Variants in UQCRB observed in about 807,000 individuals in gnomAD.
UQCRB encodes cytochrome b-c1 complex subunit 7.
Under a neutral mutation model 19.8 loss-of-function variants are expected in UQCRB, and 12 were observed. The observed-to-expected ratio is 0.61, with a 90% CI of 0.39 to 0.98. The LOEUF (loss-of-function observed/expected upper bound fraction) is 0.98. UQCRB is among the 50% of genes least tolerant of loss of function. The pLI is 0.00. For missense variants in UQCRB, 142 were observed against 131.8 expected (o/e 1.08, Z -0.38); for synonymous variants, 39 against 42.9 (o/e 0.91, Z 0.35).
intron 1 of UQCRB, chr8:96,233,506 T>C (rs1809725067): frequency 7.3e-6 from 3 of 411,498 alleles, no homozygotes; most frequent in Non-Finnish European, 1.3e-5. Flanking sequence ...AAGAAAAGGG[T>C]AAACTCAAAC....
Position 96,227,364 on chromosome 8 carries a change from C to T in UQCRB, c.*3691G>A, listed in dbSNP as rs1356463641. 4 of 454,090 alleles carry T rather than the reference C, an allele frequency of 8.8e-6. No homozygotes were observed. The highest frequency in any genetic ancestry group is 6.2e-5 in the South Asian group (4 of 64,476). The allele number at this position is 454,090 out of a possible 1,614,324, so 28.1% of individuals were successfully genotyped here. A position where few individuals can be genotyped will look rare whatever the true frequency, so the allele number is the denominator to read the frequency against. ...TGGGGCGCAGAATGGAGAAATCTTC[C>T]ATAGTGCTCGTGTGATGTACACTAA... On this transcript the variant is annotated 3_prime_UTR_variant, in exon 4 of 4. Coordinates refer to ENST00000287022, the MANE Select transcript of UQCRB (RefSeq NM_006294.5).
rs751857615 is a variant in UQCRB, at chr8:96,227,387, TAA to T, written c.*3666_*3667del. ...TCCATAGTGCTCGTGTGATGTACAC[TAA>T]GTTGTAAAGTTATAGGGCATCGCCA... On this transcript the variant is annotated 3_prime_UTR_variant, in exon 4 of 4. Transcript: ENST00000287022. The T allele has an allele frequency of 1.3e-5, 6 of 454,124 alleles. No homozygotes were observed. Among genetic ancestry groups the T allele is most frequent in the South Asian group, 7.8e-5 (5 of 64,478 alleles). The allele number at this position is 454,124 out of a possible 1,614,324, so 28.1% of individuals were successfully genotyped here.
chr8:96,224,078 C>G lies in UQCRB; in HGVS notation c.*6977G>C, dbSNP rs901495145. ...GTTCCAAGTAGCAGCACTTGGTGCT[C>G]TCATGGGGCAACCTAGCCATTCTCA... On this transcript the variant is annotated 3_prime_UTR_variant, in exon 4 of 4. Transcript: ENST00000287022. Among the ~76,000 whole-genome samples the G allele has an allele frequency of 6.6e-6, 1 of 152,200 alleles. No homozygotes were observed. Among genetic ancestry groups the G allele is most frequent in the Non-Finnish European group, 1.5e-5 (1 of 68,046 alleles).
rs374444239 is a variant in UQCRB, at chr8:96,230,672, G to C, written c.*383C>G. ...AAATCTGTTTGCATACCAGTGAAGAGGCTATTTCTCAATCTTGGCAAACTA... is the reference window on the plus strand; with the variant it reads ...AAATCTGTTTGCATACCAGTGAAGACGCTATTTCTCAATCTTGGCAAACTA... On this transcript the variant is annotated 3_prime_UTR_variant, in exon 4 of 4. Coordinates refer to ENST00000287022, the MANE Select transcript of UQCRB (RefSeq NM_006294.5). The C allele has an allele frequency of 2.1e-6, 1 of 466,258 alleles. No homozygotes were observed. The highest frequency in any genetic ancestry group is 4.2e-6 in the Non-Finnish European group (1 of 235,404). The allele number at this position is 466,258 out of a possible 1,614,324, so 28.9% of individuals were successfully genotyped here.
rs1809496367 is a variant in UQCRB at position 96,224,563 on chromosome 8, A to G, written c.*6492T>C. Among the ~76,000 whole-genome samples, 1 of 152,202 alleles carries G rather than the reference A, an allele frequency of 6.6e-6. No homozygotes were observed. The highest frequency in any genetic ancestry group is 2.4e-5 in the African/African-American group (1 of 41,442). ...GTCTCACAGAATGAGAAGCCACAGA[A>G]GGGGCTGATTACCAGGCTGCATCAC... is the stretch of plus-strand genomic sequence containing the variant. On this transcript the variant is annotated 3_prime_UTR_variant, in exon 4 of 4. Transcript: ENST00000287022.
chr8:96,235,249 G>C (rs776105351), intron 1 of UQCRB: 2 of 596,510 alleles, frequency 3.4e-6, no homozygotes, highest in Non-Finnish European at 6.0e-6. Flanking sequence ...CCAAGCACGG[G>C]CAGCTGGAAC....
At position 96,230,733 on chromosome 8, in the gene UQCRB, C is replaced by T. The variant is rs1305536522; in HGVS notation, c.*322G>A. ...ACCCCCTTCTTTTATTCAGTAGCTTCCATAAGGATGTAACTTACGGAAGTT... is the reference window on the plus strand; with the variant it reads ...ACCCCCTTCTTTTATTCAGTAGCTTTCATAAGGATGTAACTTACGGAAGTT... On this transcript the variant is annotated 3_prime_UTR_variant, in exon 4 of 4. Coordinates refer to ENST00000287022, the MANE Select transcript of UQCRB (RefSeq NM_006294.5). The T allele has an allele frequency of 3.9e-6, 2 of 508,494 alleles. No homozygotes were observed. The highest frequency in any genetic ancestry group is 7.6e-6 in the Non-Finnish European group (2 of 262,574). The allele number at this position is 508,494 out of a possible 1,614,324, so 31.5% of individuals were successfully genotyped here.
In UQCRB at chr8:96,230,332, C is replaced by T; in HGVS notation, c.*723G>A. On this transcript the variant is annotated 3_prime_UTR_variant, in exon 4 of 4. Transcript: ENST00000287022. ...CTTCAGGTGACCCGCCCGCCTCGGC[C>T]TCCCAAAGTGCTGGGATTACAGGCA... 2.4e-6 allele frequency: 1 copy of T among 419,430 alleles called. No homozygotes were observed. Among genetic ancestry groups the T allele is most frequent in the Non-Finnish European group, 4.7e-6 (1 of 211,752 alleles). The allele number at this position is 419,430 out of a possible 1,614,324, so 26.0% of individuals were successfully genotyped here.
chr8:96,227,546 T>C lies in UQCRB; in HGVS notation c.*3509A>G, dbSNP rs554665878. 1.2e-4 allele frequency: 53 copies of C among 454,156 alleles called. No homozygotes were observed. In the East Asian group the frequency reaches 2.0e-3, roughly 17 times the overall value. The allele number at this position is 454,156 out of a possible 1,614,324, so 28.1% of individuals were successfully genotyped here. On this transcript the variant is annotated 3_prime_UTR_variant, in exon 4 of 4. Coordinates refer to ENST00000287022, the MANE Select transcript of UQCRB (RefSeq NM_006294.5). Reference sequence around the variant, plus strand: ...CTCCTAAAATCCATGCTTCCTCCCATACACCATAAACCCATCTGCTCTTCA... The same window carrying C: ...CTCCTAAAATCCATGCTTCCTCCCACACACCATAAACCCATCTGCTCTTCA...
chr8:96,226,620 T>C lies in UQCRB; in HGVS notation c.*4435A>G, dbSNP rs1454112211. On this transcript the variant is annotated 3_prime_UTR_variant, in exon 4 of 4. Coordinates refer to ENST00000287022, the MANE Select transcript of UQCRB (RefSeq NM_006294.5). ...CTTGTGAATACAATTGTCACAGATA[T>C]GTATACAATTTTCTTAAAATATTTA... 7.2e-6 allele frequency: 2 copies of C among 278,926 alleles called. No individual in the cohort carries two copies. The highest frequency in any genetic ancestry group is 1.0e-4 in the East Asian group (1 of 9,898). 17.3% of individuals were successfully genotyped at this position (278,926 alleles called of 1,614,324 possible). A position where few individuals can be genotyped will look rare whatever the true frequency, so the allele number is the denominator to read the frequency against.
chr8:96,227,344 C>T lies in UQCRB; in HGVS notation c.*3711G>A, dbSNP rs2129778088. 1 of 454,070 alleles carries T rather than the reference C, an allele frequency of 2.2e-6. No individual in the cohort carries two copies. Among genetic ancestry groups the T allele is most frequent in the Non-Finnish European group, 4.4e-6 (1 of 226,788 alleles). 28.1% of individuals were successfully genotyped at this position (454,070 alleles called of 1,614,324 possible). A position where few individuals can be genotyped will look rare whatever the true frequency, so the allele number is the denominator to read the frequency against. On this transcript the variant is annotated 3_prime_UTR_variant, in exon 4 of 4. Coordinates refer to ENST00000287022, the MANE Select transcript of UQCRB (RefSeq NM_006294.5). ...GAAGGAGGGGAGGGAGTTGGTGGGG[C>T]GCAGAATGGAGAAATCTTCCATAGT...
intron 1 of UQCRB, chr8:96,234,457 T>C (rs1013915268): frequency 5.1e-5 from 66 of 1,282,828 alleles, no homozygotes; most frequent in Non-Finnish European, 2.0e-6. Flanking sequence ...AGTTAGCTAA[T>C]GGGAGTTGAG....
intron 1 of UQCRB, chr8:96,234,404 G>T: frequency 1.2e-6 from 1 of 818,482 alleles, no homozygotes; most frequent in Non-Finnish European, 1.8e-6. Context: ...TGTTACTACA[G>T]AAGGGGAAGC....
In UQCRB at chr8:96,227,016, T is replaced by C; in HGVS notation, c.*4039A>G. 4.4e-6 allele frequency: 2 copies of C among 454,028 alleles called. No homozygotes were observed. The highest frequency in any genetic ancestry group is 4.4e-6 in the Non-Finnish European group (1 of 226,764). The allele number at this position is 454,028 out of a possible 1,614,324, so 28.1% of individuals were successfully genotyped here. A position where few individuals can be genotyped will look rare whatever the true frequency, so the allele number is the denominator to read the frequency against. ...TTCTAACATGTTATGGCTTTTAATA[T>C]GAACGCCAGTATAACCAGAATGTAA... On this transcript the variant is annotated 3_prime_UTR_variant, in exon 4 of 4. Coordinates refer to ENST00000287022, the MANE Select transcript of UQCRB (RefSeq NM_006294.5).
chr8:96,230,347 G>A lies in UQCRB; in HGVS notation c.*708C>T, dbSNP rs1264856157. The A allele has an allele frequency of 7.0e-6, 3 of 429,228 alleles. No individual in the cohort carries two copies. The highest frequency in any genetic ancestry group is 1.4e-5 in the Non-Finnish European group (3 of 216,078). 26.6% of individuals were successfully genotyped at this position (429,228 alleles called of 1,614,324 possible). On this transcript the variant is annotated 3_prime_UTR_variant, in exon 4 of 4. Coordinates refer to ENST00000287022, the MANE Select transcript of UQCRB (RefSeq NM_006294.5). ...CCGCCTCGGCCTCCCAAAGTGCTGG[G>A]ATTACAGGCATGAGCCACCATGCCT...
intron 1 of UQCRB, chr8:96,234,304 A>T (rs1380791257): frequency 6.5e-6 from 2 of 309,452 alleles, no homozygotes; most frequent in Non-Finnish European, 1.3e-5. Context: ...ACCACCTATC[A>T]GTGACTATAA....
Position 96,231,950 on chromosome 8 carries a change from A to C in UQCRB, c.92-10T>G. 1 of 1,611,748 alleles carries C rather than the reference A, an allele frequency of 6.2e-7. No individual in the cohort carries two copies. Among genetic ancestry groups the C allele is most frequent in the Non-Finnish European group, 8.5e-7 (1 of 1,179,624 alleles). Reference sequence around the variant, plus strand: ...TCATCTCGCATTAACCCTATGATAGATGACAAAGTTAGATTGCACATGCAT... The same window carrying C: ...TCATCTCGCATTAACCCTATGATAGCTGACAAAGTTAGATTGCACATGCAT... On this transcript the variant is annotated splice_polypyrimidine_tract_variant and intron_variant, in intron 2 of 3. Transcript: ENST00000287022.
intron 1 of UQCRB, chr8:96,235,205 C>T (rs1369285804): frequency 1.3e-5 from 7 of 548,476 alleles, no homozygotes; most frequent in Admixed American, 6.2e-5. Context: ...CCTCTTGTGC[C>T]CTTTAACTTT....
At chr8:96,235,267 C>T in intron 1 of UQCRB, 1 of 613,744 alleles carries the variant, frequency 1.6e-6, no homozygotes, top group South Asian at 1.9e-5. Flanking sequence ...AACTCCAGGG[C>T]TGTCAGAGCC....
Sources: gnomAD v4.1 joint callset for allele counts (sites outside exome capture counted in the v4.1 genomes callset) on GRCh38, gnomAD v4.1.1 for gene constraint, MANE v1.5 for transcripts, NCBI Gene and HGNC (gene_info 2026-07-23, HGNC 2026-07-21) for gene names.